MTMR2: variants seen among roughly 807,000 people sequenced by gnomAD.
The protein encoded by MTMR2 is myotubularin related protein 2, also known as phosphatidylinositol-3,5-bisphosphate 3-phosphatase MTMR2.
Under a neutral mutation model 86.9 loss-of-function variants are expected in MTMR2, and 55 were observed. The ratio of observed to expected loss-of-function variants is 0.63; its 90% confidence interval spans 0.51 to 0.79. The LOEUF (loss-of-function observed/expected upper bound fraction) is 0.79. Among genes scored for constraint, MTMR2 ranks in the 30% least tolerant of loss-of-function variants. MTMR2 has a pLI of 0.00. For synonymous variants in MTMR2, 241 were observed against 266.8 expected (o/e 0.90, Z 0.94); for missense variants, 659 against 772.3 (o/e 0.85, Z 1.74).
At chr11:95,923,631 G>C in intron 1 of MTMR2, 1 of 1,367,232 alleles carries the variant, frequency 7.3e-7, no homozygotes, top group African/African-American at 1.5e-5. Context: ...CTCCATCGGG[G>C]AGAAAACGAG....
At chr11:95,923,761 T>C (rs1591060433) in intron 1 of MTMR2, 114 bp downstream of exon 1, 2 of 1,488,272 alleles carry the variant, frequency 1.3e-6, no homozygotes, top group Non-Finnish European at 9.0e-7. Context: ...GGGAAGGAAT[T>C]CCGGCGTAGC....
chr11:95,864,510 T>C (rs1449291305), intron 3 of MTMR2, among the ~76,000 whole-genome samples: 1 of 152,158 alleles, frequency 6.6e-6, no homozygotes, highest in Non-Finnish European at 1.5e-5. Context: ...TCCTCACCTA[T>C]AAAATGGGGT....
At chr11:95,901,275 A>G (rs1483233279) in intron 1 of MTMR2, among the ~76,000 whole-genome samples, 1 of 151,456 alleles carries the variant, frequency 6.6e-6, no homozygotes, top group African/African-American at 2.4e-5. Context: ...CTGGCCCCAC[A>G]CTCTCTCTCC....
chr11:95,861,509 C>T (rs556884249), intron 5 of MTMR2, among the ~76,000 whole-genome samples: 5 of 151,432 alleles, frequency 3.3e-5, no homozygotes, highest in Middle Eastern at 3.2e-3. Flanking sequence ...CTGCAACATC[C>T]GCCTCCCAGG....
At chr11:95,869,648 G>A (rs1463176668) in intron 2 of MTMR2, among the ~76,000 whole-genome samples, 2 of 152,148 alleles carry the variant, frequency 1.3e-5, no homozygotes, top group East Asian at 3.8e-4. Flanking sequence ...GAGGACTGAA[G>A]ACAGCTGCAA....
At chr11:95,912,643 C>T (rs1866554614) in intron 1 of MTMR2, among the ~76,000 whole-genome samples, 1 of 151,710 alleles carries the variant, frequency 6.6e-6, no homozygotes, top group South Asian at 2.1e-4. Flanking sequence ...ATACACAATA[C>T]TAAAACGAAT....
At position 95,870,881 on chromosome 11, in the gene MTMR2, C is replaced by T. The variant is rs542201544; in HGVS notation, c.187-5205G>A. Among the ~76,000 whole-genome samples the T allele has an allele frequency of 5.9e-5, 9 of 151,714 alleles. No homozygotes were observed. The South Asian group carries it at 1.7e-3, about 28-fold the overall frequency. ...AGGTATATCTCCTAATGCTATCCCTCCCCCCTTCCCCCACCCCACAACAGG... is the reference window on the plus strand; with the variant it reads ...AGGTATATCTCCTAATGCTATCCCTTCCCCCTTCCCCCACCCCACAACAGG... On this transcript the variant is annotated intron_variant, in intron 2 of 14. Transcript: ENST00000346299.
At chr11:95,871,874 C>T (rs1864902865) in intron 2 of MTMR2, among the ~76,000 whole-genome samples, 4 of 152,176 alleles carry the variant, frequency 2.6e-5, no homozygotes, top group Admixed American at 1.3e-4. Flanking sequence ...TTAGGCCTAA[C>T]ATTTAAGTCT....
Position 95,835,374 on chromosome 11 carries a change from T to G in MTMR2, c.1848A>C (p.Arg616Ser). 6.2e-7 allele frequency: 1 copy of G among 1,613,124 alleles called. No homozygotes were observed. Among genetic ancestry groups the G allele is most frequent in the Non-Finnish European group, 8.5e-7 (1 of 1,179,342 alleles). The part of the protein sequence containing the change: ...ELQKKVEELQ[R>S]EISNRSTSSS... The stretch of plus-strand genomic sequence containing the variant: ...ATGAGGTTGATCGGTTAGAAATCTC[T>G]CTCTGTAGTTCCTCTACTTTTTTCT... The change falls in exon 15 of 15, where the codon AGA becomes AGC. Residue 616 changes from arginine (R) to serine (S), a missense_variant. By Grantham distance (110) the Arg-to-Ser change is moderately radical (BLOSUM62 -1). Transcript: ENST00000346299.
chr11:95,839,637 T>C (rs918247948), intron 12 of MTMR2, among the ~76,000 whole-genome samples: 1 of 152,132 alleles, frequency 6.6e-6, no homozygotes, highest in African/African-American at 2.4e-5. Context: ...CAACAATTGC[T>C]TCCTGATCTC....
At chr11:95,904,774 G>C (rs1456105142) in intron 1 of MTMR2, among the ~76,000 whole-genome samples, 1 of 152,140 alleles carries the variant, frequency 6.6e-6, no homozygotes, top group Non-Finnish European at 1.5e-5. Context: ...TAATAAACTT[G>C]CTTTCACTTT....
chr11:95,855,703 A>G (rs1221852891), intron 7 of MTMR2, among the ~76,000 whole-genome samples: 2 of 152,182 alleles, frequency 1.3e-5, no homozygotes, highest in African/African-American at 2.4e-5. Flanking sequence ...TGTAATAAAT[A>G]TAATAATCAT....
intron 1 of MTMR2, among the ~76,000 whole-genome samples, chr11:95,890,554 G>A (rs909391316): frequency 2.0e-5 from 3 of 152,230 alleles, no homozygotes; most frequent in African/African-American, 7.2e-5. Flanking sequence ...AGCAGAAACA[G>A]CAGGGTAGTC....
At chr11:95,900,649 G>A (rs1438990961) in intron 1 of MTMR2, among the ~76,000 whole-genome samples, 2 of 151,456 alleles carry the variant, frequency 1.3e-5, no homozygotes, top group Non-Finnish European at 2.9e-5. Flanking sequence ...TAGGTTCAAA[G>A]CCAATCCTTC....
At chr11:95,910,796 A>G (rs1415691378) in intron 1 of MTMR2, among the ~76,000 whole-genome samples, 1 of 152,074 alleles carries the variant, frequency 6.6e-6, no homozygotes, top group Non-Finnish European at 1.5e-5. Context: ...AGGAACGCAA[A>G]TTTTGCTCTC....
In MTMR2 at chr11:95,834,435, T is replaced by TAAGA. The variant is rs1401975291; in HGVS notation, c.*851_*854dup. On this transcript the variant is annotated 3_prime_UTR_variant, in exon 15 of 15. Transcript: ENST00000346299. ...AATTCAGAAAAAATGTCAATCCTAG[T>TAAGA]AAGATTTTTAAATACTTCTTAAAAA... 1.3e-5 allele frequency: 2 copies of TAAGA among 152,118 alleles called. No homozygotes were observed. The highest frequency in any genetic ancestry group is 2.9e-5 in the Non-Finnish European group (2 of 67,984). The allele number at this position is 152,118 out of a possible 1,614,324, so 9.4% of individuals were successfully genotyped here.
intron 2 of MTMR2, among the ~76,000 whole-genome samples, chr11:95,877,899 T>A (rs1189769878): frequency 6.6e-6 from 1 of 152,040 alleles, no homozygotes; most frequent in African/African-American, 2.4e-5. Flanking sequence ...TATGAAAGAA[T>A]AAATTTCTGT....
intron 2 of MTMR2, among the ~76,000 whole-genome samples, chr11:95,875,129 T>C (rs193003409): frequency 0.032 from 4,909 of 152,278 alleles, 111 homozygotes; most frequent in Non-Finnish European, 0.052. Context: ...TTTCCTGAAT[T>C]TGAATGTTGG....
At chr11:95,876,872 TCTCA>T (rs1865132906) in intron 2 of MTMR2, among the ~76,000 whole-genome samples, 1 of 152,016 alleles carries the variant, frequency 6.6e-6, no homozygotes, top group Non-Finnish European at 1.5e-5. Context: ...AAATGCACTC[TCTCA>T]CACACACACA....
Sources: gnomAD v4.1 joint callset for allele counts (sites outside exome capture counted in the v4.1 genomes callset) on GRCh38, gnomAD v4.1.1 for gene constraint, MANE v1.5 for transcripts, NCBI Gene and HGNC (gene_info 2026-07-23, HGNC 2026-07-21) for gene names.